LYPD6: variants seen among roughly 807,000 people sequenced by gnomAD.
LYPD6 encodes the protein LY6/PLAUR domain containing 6.
In LYPD6, 15 loss-of-function variants were observed where a neutral mutation model predicts 22.7. The ratio of observed to expected loss-of-function variants is 0.66; its 90% CI spans 0.44 to 1.02. The LOEUF is 1.02. Ranked by LOEUF, LYPD6 falls within the 50% of genes least tolerant of loss-of-function variation. LYPD6 has a pLI of 0.00. For synonymous variants in LYPD6, 72 were observed against 77.5 expected, an observed-to-expected ratio of 0.93 and a Z score of 0.37; for missense variants, 189 against 208.4, an observed-to-expected ratio of 0.91 and a Z score of 0.57.
chr2:149,423,964 T>G (rs1256631793), intron 1 of LYPD6, among the ~76,000 whole-genome samples: 3 of 146,814 alleles, frequency 2.0e-5, no homozygotes, highest in Admixed American at 2.0e-4. Context: ...CAGAACCCTT[T>G]GCTGGTCCAA....
Position 149,382,320 on chromosome 2 carries a change from C to T in LYPD6, c.-72+51598C>T, listed in dbSNP as rs1264633921. Reference sequence around the variant, plus strand: ...ACATCTCATACAATGCTAATTGTGCCATACGCATAAGTAATATTGGGTTAA... The same window carrying T: ...ACATCTCATACAATGCTAATTGTGCTATACGCATAAGTAATATTGGGTTAA... On this transcript the variant is annotated intron_variant, in intron 1 of 4. Transcript: ENST00000334166. Among the ~76,000 whole-genome samples the T allele has an allele frequency of 2.6e-5, 4 of 152,148 alleles. No individual in the cohort carries two copies. In the East Asian group the frequency reaches 7.7e-4, roughly 29 times the overall value.
intron 1 of LYPD6, among the ~76,000 whole-genome samples, chr2:149,400,325 G>C (rs1350709202): frequency 6.6e-6 from 1 of 152,168 alleles, no homozygotes; most frequent in African/African-American, 2.4e-5. Context: ...CTGATCGATA[G>C]GTCGCACATG....
intron 1 of LYPD6, among the ~76,000 whole-genome samples, chr2:149,411,119 T>C (rs2105122184): frequency 6.6e-6 from 1 of 152,276 alleles, no homozygotes; most frequent in East Asian, 1.9e-4. Flanking sequence ...CTGTTAGAAA[T>C]GTAGTCTCAA....
chr2:149,467,400 T>C (rs1056690683), intron 3 of LYPD6, among the ~76,000 whole-genome samples: 7 of 152,310 alleles, frequency 4.6e-5, no homozygotes, highest in African/African-American at 1.7e-4. Context: ...CATTTGGGAT[T>C]CCTGTCAGGT....
At chr2:149,452,401 A>G (rs1391809084) in intron 3 of LYPD6, among the ~76,000 whole-genome samples, 1 of 152,194 alleles carries the variant, frequency 6.6e-6, no homozygotes, top group Non-Finnish European at 1.5e-5. Context: ...ATGCCATTTT[A>G]TTAATAAATT....
chr2:149,333,996 A>G (rs1221368008), intron 1 of LYPD6, among the ~76,000 whole-genome samples: 1 of 152,206 alleles, frequency 6.6e-6, no homozygotes, highest in Admixed American at 6.5e-5. Context: ...TAATTTACCC[A>G]TAAGAAAGTG....
At chr2:149,484,720 C>T in the LYPD6 span, among the ~76,000 whole-genome samples, 1 of 152,168 alleles carries the variant, frequency 6.6e-6, no homozygotes, top group South Asian at 2.1e-4. Flanking sequence ...TCAGGCCAAT[C>T]CTAGTGGGAC....
chr2:149,394,804 T>C (rs1222842856), intron 1 of LYPD6, among the ~76,000 whole-genome samples: 2 of 152,200 alleles, frequency 1.3e-5, no homozygotes, highest in African/African-American at 2.4e-5. Context: ...CATCAACCAG[T>C]GTTGAACAGC....
At chr2:149,358,536 G>A (rs189729799) in intron 1 of LYPD6, among the ~76,000 whole-genome samples, 1 of 152,144 alleles carries the variant, frequency 6.6e-6, no homozygotes, top group Non-Finnish European at 1.5e-5. Flanking sequence ...AGCATAAAGC[G>A]GCATGGGCAA....
chr2:149,431,828 A>G (rs1395394764), intron 1 of LYPD6, among the ~76,000 whole-genome samples: 4 of 152,218 alleles, frequency 2.6e-5, no homozygotes, highest in African/African-American at 7.2e-5. Flanking sequence ...GTAAAAGACA[A>G]CAAAGAATGG....
chr2:149,482,765 C>T, the LYPD6 span, among the ~76,000 whole-genome samples: 186 of 152,262 alleles, frequency 1.2e-3, no homozygotes, highest in African/African-American at 4.3e-3. Flanking sequence ...GACATTCCCC[C>T]TCTCCTTTTT....
Position 149,440,509 on chromosome 2 carries a change from G to A in LYPD6, c.118+2683G>A, listed in dbSNP as rs573210017. 3.3e-5 allele frequency: 5 copies of A among 152,242 alleles called. No homozygotes were observed. In the East Asian group the frequency reaches 9.7e-4, roughly 29 times the overall value. The allele number at this position is 152,242 out of a possible 1,614,324, so 9.4% of individuals were successfully genotyped here. ...GTTTTCTGATATGATTTTGAGATAT[G>A]GAGAAGGATGGAAGTTGTTCCTAAG... On this transcript the variant is annotated intron_variant, in intron 2 of 4. Transcript: ENST00000334166.
At chr2:149,341,992 A>G (rs1681169744) in intron 1 of LYPD6, among the ~76,000 whole-genome samples, 1 of 152,206 alleles carries the variant, frequency 6.6e-6, no homozygotes, top group Non-Finnish European at 1.5e-5. Flanking sequence ...CTGTTACCTA[A>G]TTTTGGTCCC....
At chr2:149,457,041 C>T (rs181015970) in intron 3 of LYPD6, among the ~76,000 whole-genome samples, 9 of 152,246 alleles carry the variant, frequency 5.9e-5, no homozygotes, top group East Asian at 1.9e-4. Flanking sequence ...ATTTTTACAG[C>T]GTGTTTGTAC....
At chr2:149,428,535 C>T (rs1230101864) in intron 1 of LYPD6, among the ~76,000 whole-genome samples, 1 of 152,112 alleles carries the variant, frequency 6.6e-6, no homozygotes, top group Non-Finnish European at 1.5e-5. Flanking sequence ...CTTGGGGGCT[C>T]CTGTACCAGA....
intron 1 of LYPD6, among the ~76,000 whole-genome samples, chr2:149,413,480 T>C (rs1338387833): frequency 6.6e-6 from 1 of 152,212 alleles, no homozygotes; most frequent in East Asian, 1.9e-4. Flanking sequence ...ACACTACAGT[T>C]TATCTGGCCC....
chr2:149,360,844 A>T (rs1303466347), intron 1 of LYPD6, among the ~76,000 whole-genome samples: 3 of 150,376 alleles, frequency 2.0e-5, no homozygotes, highest in Non-Finnish European at 3.0e-5. Flanking sequence ...TCATTTTTCT[A>T]CTCCCTTTAT....
At chr2:149,367,342 A>C (rs1681698631) in intron 1 of LYPD6, among the ~76,000 whole-genome samples, 1 of 152,106 alleles carries the variant, frequency 6.6e-6, no homozygotes, top group African/African-American at 2.4e-5. Flanking sequence ...ACTGCTTTGG[A>C]GGCCACCTTC....
At chr2:149,451,985 A>G (rs912862180) in intron 3 of LYPD6, among the ~76,000 whole-genome samples, 1 of 152,214 alleles carries the variant, frequency 6.6e-6, no homozygotes, top group African/African-American at 2.4e-5. Context: ...TTACAGGAAG[A>G]AGAGCTACTG....
Sources: allele counts gnomAD v4.1 joint callset (sites outside exome capture counted in the v4.1 genomes callset), GRCh38; gene constraint gnomAD v4.1.1; transcripts MANE v1.5; gene names NCBI Gene and HGNC (gene_info 2026-07-23, HGNC 2026-07-21).